The following ADAM12 variants were observed in gnomAD, a reference collection of about 807,000 sequenced individuals.
ADAM12 encodes the protein ADAM metallopeptidase domain 12, also known as disintegrin and metalloproteinase domain-containing protein 12.
In ADAM12, 70 loss-of-function variants were observed where a neutral mutation model predicts 106.4. That is an observed-to-expected ratio of 0.66 (90% CI 0.54 to 0.80). The LOEUF (loss-of-function observed/expected upper bound fraction) is 0.80, where lower values mean the gene tolerates loss of function less well. ADAM12 is among the 30% of genes least tolerant of loss of function. The probability of loss-of-function intolerance (pLI) is 0.00; values close to 1 mark genes in which losing one functional copy is unlikely to be tolerated. For synonymous variants in ADAM12, 420 were observed against 433.5 expected (o/e 0.97, Z 0.39); for missense variants, 1,010 against 1,171.9 (o/e 0.86, Z 2.02).
At chr10:126,299,307 C>G (rs1431964251) in intron 2 of ADAM12, among the ~76,000 whole-genome samples, 1 of 152,220 alleles carries the variant, frequency 6.6e-6, no homozygotes, top group Non-Finnish European at 1.5e-5. Flanking sequence ...GGGATTTAGC[C>G]CAGATTTCTT....
At chr10:126,298,444 G>A (rs373672666) in intron 2 of ADAM12, among the ~76,000 whole-genome samples, 14 of 152,150 alleles carry the variant, frequency 9.2e-5, no homozygotes, top group African/African-American at 3.1e-4. Flanking sequence ...GGAAGAAATC[G>A]TAGAGTGAAA....
chr10:126,117,654 C>G (rs1271670097), intron 6 of ADAM12, among the ~76,000 whole-genome samples: 1 of 149,448 alleles, frequency 6.7e-6, no homozygotes, highest in Admixed American at 6.8e-5. Flanking sequence ...GGGTCAGGGT[C>G]CAATCTTGTC....
At chr10:126,384,842 C>G (rs1182551822) in intron 1 of ADAM12, among the ~76,000 whole-genome samples, 1 of 152,206 alleles carries the variant, frequency 6.6e-6, no homozygotes, top group Non-Finnish European at 1.5e-5. Flanking sequence ...TACAATTTAA[C>G]TCTATTCTGA....
rs544653299 is a variant in ADAM12 at position 126,201,871 on chromosome 10, G to T, written c.261-46566C>A. Among the ~76,000 whole-genome samples, 178 of 152,346 alleles carry T rather than the reference G, an allele frequency of 1.2e-3. 1 individual carries two copies. Among genetic ancestry groups the T allele is most frequent in the Middle Eastern group, 6.8e-3 (2 of 294 alleles). Reference sequence around the variant, plus strand: ...ACAGAGAGGTGTTGGCTCTGAGCAAGACCTTCTACCTCGAGCAGAGAGGCC... The same window carrying T: ...ACAGAGAGGTGTTGGCTCTGAGCAATACCTTCTACCTCGAGCAGAGAGGCC... On this transcript the variant is annotated intron_variant, in intron 3 of 22. Coordinates refer to ENST00000448723, the MANE Select transcript of ADAM12 (RefSeq NM_001288973.2).
chr10:126,135,692 G>T (rs760603416), intron 4 of ADAM12, 32 bp from the exon 5 acceptor site: 45 of 1,589,620 alleles, frequency 2.8e-5, no homozygotes, highest in Non-Finnish European at 3.6e-5. Context: ...TCCCATTTCA[G>T]TTATAACACA....
chr10:126,034,784 T>G (rs1306858660), intron 21 of ADAM12, among the ~76,000 whole-genome samples: 1 of 152,180 alleles, frequency 6.6e-6, no homozygotes, highest in Non-Finnish European at 1.5e-5. Context: ...TGATGTTTCC[T>G]ATTGTGAAAT....
At chr10:126,063,228 G>A (rs1391088664) in intron 14 of ADAM12, among the ~76,000 whole-genome samples, 1 of 152,200 alleles carries the variant, frequency 6.6e-6, no homozygotes, top group East Asian at 1.9e-4. Flanking sequence ...CAACTCCTCA[G>A]AGGCCGAGCT....
intron 3 of ADAM12, among the ~76,000 whole-genome samples, chr10:126,195,490 G>A (rs1319476602): frequency 2.0e-5 from 3 of 152,060 alleles, no homozygotes; most frequent in African/African-American, 7.2e-5. Context: ...CAGGAGAATC[G>A]CTTGAACCCG....
intron 14 of ADAM12, among the ~76,000 whole-genome samples, chr10:126,061,356 C>A (rs866721841): frequency 9.2e-5 from 14 of 152,196 alleles, no homozygotes; most frequent in African/African-American, 3.1e-4. Flanking sequence ...AGATCACTAT[C>A]CTTATTTTAC....
chr10:126,017,084 TAA>T lies in ADAM12; in HGVS notation c.*193_*194del, dbSNP rs761380846. On this transcript the variant is annotated 3_prime_UTR_variant, in exon 23 of 23. Coordinates refer to ENST00000448723, the MANE Select transcript of ADAM12 (RefSeq NM_001288973.2). ...GTAATCAACATTCTGCATAAATTAATAATTTACAAGTACCTGAGCAAGTAGAC... is the reference window on the plus strand; with the variant it reads ...GTAATCAACATTCTGCATAAATTAATTTTACAAGTACCTGAGCAAGTAGAC... 1.1e-5 allele frequency: 6 copies of T among 541,880 alleles called. No individual in the cohort carries two copies. The highest frequency in any genetic ancestry group is 1.6e-5 in the Non-Finnish European group (5 of 304,884). The allele number at this position is 541,880 out of a possible 1,614,324, so 33.6% of individuals were successfully genotyped here. A position where few individuals can be genotyped will look rare whatever the true frequency, so the allele number is the denominator to read the frequency against.
intron 2 of ADAM12, among the ~76,000 whole-genome samples, chr10:126,315,693 C>T (rs1435780911): frequency 1.3e-5 from 2 of 152,116 alleles, no homozygotes; most frequent in South Asian, 2.1e-4. Context: ...GGAGCTCCAC[C>T]GAGACCGTTC....
At chr10:126,387,776 C>T (rs1273769903) in intron 1 of ADAM12, among the ~76,000 whole-genome samples, 1 of 152,132 alleles carries the variant, frequency 6.6e-6, no homozygotes, top group African/African-American at 2.4e-5. Flanking sequence ...CTGCAAATGT[C>T]ACCCAAGAGG....
intron 11 of ADAM12, among the ~76,000 whole-genome samples, chr10:126,079,223 GTTT>G (rs56324979): frequency 2.6e-5 from 4 of 152,024 alleles, no homozygotes; most frequent in African/African-American, 7.3e-5. Context: ...GTAATCCAAT[GTTT>G]TTTTCCAGCA....
intron 14 of ADAM12, among the ~76,000 whole-genome samples, chr10:126,051,941 C>T (rs1254587119): frequency 1.3e-5 from 2 of 152,300 alleles, no homozygotes; most frequent in East Asian, 1.9e-4. Flanking sequence ...CAAGGAAGAC[C>T]TCTTAGAGAA....
At chr10:126,213,459 CAAG>C (rs1254636879) in intron 3 of ADAM12, among the ~76,000 whole-genome samples, 5 of 152,148 alleles carry the variant, frequency 3.3e-5, no homozygotes, top group Non-Finnish European at 7.4e-5. Flanking sequence ...AGCAGGAAAA[CAAG>C]AAGCTAATAA....
chr10:126,292,000 C>G (rs1960172464), intron 2 of ADAM12, among the ~76,000 whole-genome samples: 1 of 151,080 alleles, frequency 6.6e-6, no homozygotes, highest in Non-Finnish European at 1.5e-5. Context: ...CCCGTTGAAA[C>G]ATTAGAAAAA....
chr10:126,083,491 T>A (rs2133535078), intron 11 of ADAM12, among the ~76,000 whole-genome samples: 1 of 152,344 alleles, frequency 6.6e-6, no homozygotes, highest in East Asian at 1.9e-4. Flanking sequence ...GCTGCTCCGA[T>A]GCCTCGGGAC....
intron 3 of ADAM12, among the ~76,000 whole-genome samples, chr10:126,264,377 A>C (rs1234436584): frequency 6.6e-6 from 1 of 152,182 alleles, no homozygotes; most frequent in African/African-American, 2.4e-5. Context: ...ACTCTTTCTA[A>C]ATAAATCGTC....
chr10:126,219,057 C>A (rs1381455106), intron 3 of ADAM12, among the ~76,000 whole-genome samples: 1 of 152,236 alleles, frequency 6.6e-6, no homozygotes. Context: ...CAGTAACTAA[C>A]AGGGCCAGAA....
Sources: allele counts gnomAD v4.1 joint callset (sites outside exome capture counted in the v4.1 genomes callset), GRCh38; gene constraint gnomAD v4.1.1; transcripts MANE v1.5; gene names NCBI Gene and HGNC (gene_info 2026-07-23, HGNC 2026-07-21).